The following MAGI2 variants were observed in gnomAD, a reference collection of about 807,000 sequenced individuals.
MAGI2 encodes membrane associated guanylate kinase, WW and PDZ domain containing 2, also known as membrane-associated guanylate kinase, WW and PDZ domain-containing protein 2.
Under a neutral mutation model 133.3 loss-of-function variants are expected in MAGI2, and 35 were observed. The observed-to-expected ratio is 0.26, with a 90% CI of 0.20 to 0.35. The LOEUF (loss-of-function observed/expected upper bound fraction) is 0.35, where lower values mean the gene tolerates loss of function less well. Ranked by LOEUF, MAGI2 falls within the 10% of genes least tolerant of loss-of-function variation. The probability of loss-of-function intolerance (pLI) is 1.00; values close to 1 mark genes in which losing one functional copy is unlikely to be tolerated. For synonymous variants in MAGI2, 729 were observed against 710.6 expected, an observed-to-expected ratio of 1.03 and a Z score of -0.41; for missense variants, 1,636 against 1,863.4, an observed-to-expected ratio of 0.88 and a Z score of 2.25.
chr7:78,933,053 T>C (rs949930032), intron 2 of MAGI2, among the ~76,000 whole-genome samples: 2 of 152,140 alleles, frequency 1.3e-5, no homozygotes, highest in African/African-American at 2.4e-5. Flanking sequence ...TCGATTATTA[T>C]GCTGACAAAA....
chr7:79,083,278 G>A (rs537705453), intron 1 of MAGI2, among the ~76,000 whole-genome samples: 2 of 144,406 alleles, frequency 1.4e-5, no homozygotes, highest in South Asian at 4.4e-4. Context: ...GAAAACACTA[G>A]TTTTTCACCA....
intron 1 of MAGI2, among the ~76,000 whole-genome samples, chr7:79,339,502 G>T (rs1840733627): frequency 1.4e-5 from 2 of 140,080 alleles, no homozygotes. Context: ...AATTTGTCCT[G>T]CATTACTCTC....
chr7:78,659,284 A>G (rs1243348051), intron 2 of MAGI2, among the ~76,000 whole-genome samples: 1 of 151,982 alleles, frequency 6.6e-6, no homozygotes, highest in East Asian at 1.9e-4. Flanking sequence ...CCCCATCTCT[A>G]TTAAAAATAC....
At chr7:79,111,853 C>G (rs1319630073) in intron 1 of MAGI2, among the ~76,000 whole-genome samples, 1 of 151,936 alleles carries the variant, frequency 6.6e-6, no homozygotes, top group Non-Finnish European at 1.5e-5. Flanking sequence ...TTTTTTAGTA[C>G]AGACGGGGTT....
intron 2 of MAGI2, among the ~76,000 whole-genome samples, chr7:78,846,494 T>C (rs1039622693): frequency 6.6e-6 from 1 of 151,950 alleles, no homozygotes; most frequent in Non-Finnish European, 1.5e-5. Flanking sequence ...TTAATTGAAA[T>C]AGATAATGTT....
At chr7:79,279,577 G>C (rs1008626265) in intron 1 of MAGI2, among the ~76,000 whole-genome samples, 8 of 152,140 alleles carry the variant, frequency 5.3e-5, no homozygotes, top group African/African-American at 1.9e-4. Context: ...GCCCAAGTGG[G>C]AGAATCACTT....
intron 3 of MAGI2, among the ~76,000 whole-genome samples, chr7:78,623,790 A>T (rs1157748915): frequency 1.3e-5 from 2 of 152,152 alleles, no homozygotes; most frequent in Non-Finnish European, 2.9e-5. Flanking sequence ...TTGTGTAACG[A>T]CATTTTGGTC....
intron 6 of MAGI2, among the ~76,000 whole-genome samples, chr7:78,382,304 CTGAGTA>C (rs1180715584): frequency 6.6e-6 from 1 of 151,822 alleles, no homozygotes; most frequent in Non-Finnish European, 1.5e-5. Flanking sequence ...TGAGACTTCT[CTGAGTA>C]TATCTTTTTC....
chr7:78,852,669 T>C (rs967078201), intron 2 of MAGI2, among the ~76,000 whole-genome samples: 3 of 152,130 alleles, frequency 2.0e-5, no homozygotes, highest in Non-Finnish European at 4.4e-5. Context: ...TTTTAAAATA[T>C]GACACTTACA....
At chr7:78,022,236 A>T (rs1011506160) in intron 21 of MAGI2, among the ~76,000 whole-genome samples, 2 of 152,250 alleles carry the variant, frequency 1.3e-5, no homozygotes, top group Non-Finnish European at 2.9e-5. Context: ...GATACAGCTT[A>T]GAAGAGTTAA....
chr7:78,491,891 G>C (rs923762953), intron 5 of MAGI2, among the ~76,000 whole-genome samples: 9 of 151,080 alleles, frequency 6.0e-5, no homozygotes, highest in African/African-American at 2.2e-4. Flanking sequence ...GTGTGTGTGT[G>C]TGTGTGTGTG....
At chr7:78,611,335 T>G (rs1806418561) in intron 3 of MAGI2, among the ~76,000 whole-genome samples, 1 of 152,194 alleles carries the variant, frequency 6.6e-6, no homozygotes, top group African/African-American at 2.4e-5. Flanking sequence ...TCAGAACAAA[T>G]CACATTCCTA....
chr7:78,245,383 T>A (rs1048553591), intron 10 of MAGI2, among the ~76,000 whole-genome samples: 1 of 152,232 alleles, frequency 6.6e-6, no homozygotes, highest in Non-Finnish European at 1.5e-5. Flanking sequence ...CCTAGCACAT[T>A]GTGGGCATTC....
chr7:78,536,750 TTTG>T (rs1415702558), intron 3 of MAGI2, among the ~76,000 whole-genome samples: 17 of 117,252 alleles, frequency 1.4e-4, no homozygotes, highest in African/African-American at 3.2e-4. Flanking sequence ...TTTTTTTGTT[TTTG>T]TTGTTGTTTT....
chr7:79,324,997 T>A (rs1056927312), intron 1 of MAGI2, among the ~76,000 whole-genome samples: 1 of 151,950 alleles, frequency 6.6e-6, no homozygotes, highest in Non-Finnish European at 1.5e-5. Flanking sequence ...TTAAATATTT[T>A]CTTGTATCTA....
At chr7:78,587,670 T>C (rs996291509) in intron 3 of MAGI2, among the ~76,000 whole-genome samples, 7 of 152,250 alleles carry the variant, frequency 4.6e-5, no homozygotes, top group Non-Finnish European at 1.0e-4. Flanking sequence ...TACATTTTAC[T>C]GGCTAATGTC....
intron 2 of MAGI2, among the ~76,000 whole-genome samples, chr7:78,873,024 A>C (rs1795156995): frequency 6.6e-6 from 1 of 152,184 alleles, no homozygotes; most frequent in Non-Finnish European, 1.5e-5. Context: ...TCTATTTCAA[A>C]ATTGAAAAAA....
intron 1 of MAGI2, among the ~76,000 whole-genome samples, chr7:79,129,021 C>T (rs765355408): frequency 1.3e-5 from 2 of 152,100 alleles, no homozygotes; most frequent in East Asian, 3.9e-4. Flanking sequence ...CAGGCAGGCA[C>T]CACCACGCTC....
chr7:78,403,233 G>A (rs975428905), intron 6 of MAGI2, among the ~76,000 whole-genome samples: 2 of 151,430 alleles, frequency 1.3e-5, no homozygotes, highest in Admixed American at 6.6e-5. Context: ...TCCCACCTAT[G>A]AGTGAGAACA....
Sources: gnomAD v4.1 joint callset for allele counts (sites outside exome capture counted in the v4.1 genomes callset) on GRCh38, gnomAD v4.1.1 for gene constraint, MANE v1.5 for transcripts, NCBI Gene and HGNC (gene_info 2026-07-23, HGNC 2026-07-21) for gene names.